The following ZNF462 variants were observed in gnomAD, a reference collection of about 807,000 sequenced individuals.
ZNF462 encodes zinc finger PBX1-interacting protein.
Under a neutral mutation model 201.9 loss-of-function variants are expected in ZNF462, and 10 were observed. That is an observed-to-expected ratio of 0.05 (90% CI 0.03 to 0.08). The LOEUF (loss-of-function observed/expected upper bound fraction) is 0.08. Ranked by LOEUF, ZNF462 falls within the 10% of genes least tolerant of loss-of-function variation. The pLI, the probability that ZNF462 is intolerant of heterozygous loss-of-function variation, is 1.00. For synonymous variants in ZNF462, 1,227 were observed against 1,193.3 expected (o/e 1.03, Z -0.58); for missense variants, 2,523 against 3,168.3 (o/e 0.80, Z 4.89).
chr9:106,972,463 A>T lies in ZNF462; in HGVS notation c.6695+191A>T, dbSNP rs1460226779. Among the ~76,000 whole-genome samples the T allele has an allele frequency of 6.6e-6, 1 of 152,170 alleles. No homozygotes were observed. The highest frequency in any genetic ancestry group is 2.4e-5 in the African/African-American group (1 of 41,450). On this transcript the variant is annotated intron_variant, in intron 8 of 12. Coordinates refer to ENST00000277225, the MANE Select transcript of ZNF462 (RefSeq NM_021224.6). The surrounding 1 kb of genome is among the most constrained non-coding windows in gnomAD (Gnocchi z 4.8). ...AGACTGCTTTGGGATTTGGGAAGGG[A>T]TGAAGAGCTATATCAGAACAAATGA...
chr9:107,000,697 G>C (rs1308585538), intron 10 of ZNF462, among the ~76,000 whole-genome samples: 1 of 152,132 alleles, frequency 6.6e-6, no homozygotes, highest in Non-Finnish European at 1.5e-5. Context: ...ACATCATACT[G>C]TGAAAATGTC....
rs941793107 is a variant in ZNF462 at position 106,978,000 on chromosome 9, C to T, written c.6832+3727C>T. On this transcript the variant is annotated intron_variant, in intron 9 of 12. Transcript: ENST00000277225. This position sits in a 1 kb window ranked among gnomAD's most constrained non-coding sequence, Gnocchi z 4.6. The stretch of plus-strand genomic sequence containing the variant: ...TCTGACAGCTCCCAGCGTTCCTTGA[C>T]GCTACTTGGCTTATAGCTGCATCAC... Among the ~76,000 whole-genome samples, 2 of 151,596 alleles carry T rather than the reference C, an allele frequency of 1.3e-5. No homozygotes were observed. The highest frequency in any genetic ancestry group is 2.9e-5 in the Non-Finnish European group (2 of 68,042).
intron 1 of ZNF462, among the ~76,000 whole-genome samples, chr9:106,908,329 A>C (rs1052817098): frequency 6.6e-6 from 1 of 151,704 alleles, no homozygotes; most frequent in Non-Finnish European, 1.5e-5. Flanking sequence ...TTATTTCTTT[A>C]TTTATTTGGT....
chr9:106,874,273 A>G (rs1352831344), intron 1 of ZNF462, among the ~76,000 whole-genome samples: 1 of 152,218 alleles, frequency 6.6e-6, no homozygotes, highest in African/African-American at 2.4e-5. Flanking sequence ...CCTAGGCAGT[A>G]GGGCCTAGCA....
intron 1 of ZNF462, among the ~76,000 whole-genome samples, chr9:106,875,965 T>C (rs529749578): frequency 5.3e-5 from 8 of 152,344 alleles, no homozygotes; most frequent in African/African-American, 1.9e-4. Context: ...GAAAGATAGA[T>C]AGATAGATAC....
intron 7 of ZNF462, among the ~76,000 whole-genome samples, chr9:106,971,796 G>A (rs1045517142): frequency 6.6e-6 from 1 of 152,068 alleles, no homozygotes; most frequent in Admixed American, 6.5e-5. Context: ...TGATGGATAC[G>A]TTCATTAAAT....
At position 106,927,204 on chromosome 9, in the gene ZNF462, T is replaced by TGGGC; in HGVS notation, c.3292_3293insGGGC (p.Ser1098TrpfsTer16). On this transcript the variant is annotated frameshift_variant, in exon 3 of 13. Transcript: ENST00000277225. LOFTEE classifies it high-confidence loss of function. ...GTCTCCCAAAATGTCCAACATGGGT[T>TGGGC]CCCCACCCCCCCCACAACCCCCGCC... 1 of 1,570,558 alleles carries TGGGC rather than the reference T, an allele frequency of 6.4e-7. No homozygotes were observed. Among genetic ancestry groups the TGGGC allele is most frequent in the Non-Finnish European group, 8.7e-7 (1 of 1,149,922 alleles).
chr9:106,927,204 T>TGGCCCCCCCCCCCCCCC lies in ZNF462; in HGVS notation c.3292_3293insGGCCCCCCCCCCCCCCC (p.Ser1098TrpfsTer49). ...GTCTCCCAAAATGTCCAACATGGGT[T>TGGCCCCCCCCCCCCCCC]CCCCACCCCCCCCACAACCCCCGCC... On this transcript the variant is annotated frameshift_variant, in exon 3 of 13. Coordinates refer to ENST00000277225, the MANE Select transcript of ZNF462 (RefSeq NM_021224.6). LOFTEE classifies it high-confidence loss of function. 2 of 1,570,416 alleles carry TGGCCCCCCCCCCCCCCC rather than the reference T, an allele frequency of 1.3e-6. No homozygotes were observed. Among genetic ancestry groups the TGGCCCCCCCCCCCCCCC allele is most frequent in the Non-Finnish European group, 1.7e-6 (2 of 1,149,826 alleles).
In ZNF462 at chr9:106,895,165, T is replaced by C. The variant is rs546878199; in HGVS notation, c.-30-28189T>C. On this transcript the variant is annotated intron_variant, in intron 1 of 12. Transcript: ENST00000277225. The surrounding 1 kb of genome is among the most constrained non-coding windows in gnomAD (Gnocchi z 4.4). ...CCATACCTTTATTGGCACTGTTCTT[T>C]TAAAATTCAGTTAAAAGTATCATTT... 6.6e-6 allele frequency among the ~76,000 whole-genome samples: 1 copy of C among 152,354 alleles called. No individual in the cohort carries two copies. The highest frequency in any genetic ancestry group is 2.4e-5 in the African/African-American group (1 of 41,574).
Position 106,880,541 on chromosome 9 carries a change from G to T in ZNF462, c.-31+17186G>T, listed in dbSNP as rs1191101783. Among the ~76,000 whole-genome samples, 1 of 152,204 alleles carries T rather than the reference G, an allele frequency of 6.6e-6. No homozygotes were observed. Among genetic ancestry groups the T allele is most frequent in the South Asian group, 2.1e-4 (1 of 4,832 alleles). ...ATCTCCTAACCCAAGTGTGGACTTT[G>T]TGTTTGTTTATGTTAAGTAGCTCTA... On this transcript the variant is annotated intron_variant, in intron 1 of 12. Transcript: ENST00000277225. The surrounding 1 kb of genome is among the most constrained non-coding windows in gnomAD (Gnocchi z 4.1).
In ZNF462 at chr9:107,009,377, G is replaced by A; in HGVS notation, c.7190-168G>A. 1.2e-6 allele frequency: 1 copy of A among 854,024 alleles called. No homozygotes were observed. The allele number at this position is 854,024 out of a possible 1,614,324, so 52.9% of individuals were successfully genotyped here. A position where few individuals can be genotyped will look rare whatever the true frequency, so the allele number is the denominator to read the frequency against. ...GAAACAGTTCTCGAATGCTATTCAA[G>A]GAATGCCCTAAGGGGGAAACCTAAG... On this transcript the variant is annotated intron_variant, in intron 11 of 12. Coordinates refer to ENST00000277225, the MANE Select transcript of ZNF462 (RefSeq NM_021224.6). This position sits in a 1 kb window ranked among gnomAD's most constrained non-coding sequence, Gnocchi z 6.1.
chr9:106,872,945 G>A lies in ZNF462; in HGVS notation c.-31+9590G>A, dbSNP rs184410842. ...TGAACCAGGGACTGTTCATACGGTA[G>A]AGGAAACTGAGGTTTAGGGAGGTAA... On this transcript the variant is annotated intron_variant, in intron 1 of 12. Coordinates refer to ENST00000277225, the MANE Select transcript of ZNF462 (RefSeq NM_021224.6). The surrounding 1 kb of genome is among the most constrained non-coding windows in gnomAD (Gnocchi z 4.5). Among the ~76,000 whole-genome samples the A allele has an allele frequency of 6.4e-4, 98 of 152,202 alleles. No individual in the cohort carries two copies. Among genetic ancestry groups the A allele is most frequent in the African/African-American group, 2.4e-3 (98 of 41,512 alleles).
chr9:106,916,774 G>C (rs939466318), intron 1 of ZNF462, among the ~76,000 whole-genome samples: 7 of 152,154 alleles, frequency 4.6e-5, no homozygotes, highest in African/African-American at 1.7e-4. Context: ...TATCATGGTT[G>C]CATTTTGAGA....
intron 9 of ZNF462, among the ~76,000 whole-genome samples, chr9:106,983,143 C>T (rs566073241): frequency 1.3e-5 from 2 of 152,242 alleles, no homozygotes; most frequent in African/African-American, 2.4e-5. Flanking sequence ...CTGGCGTGTG[C>T]GCTGATACTC....
At chr9:106,942,152 G>A (rs1830901566) in intron 7 of ZNF462, among the ~76,000 whole-genome samples, 1 of 152,210 alleles carries the variant, frequency 6.6e-6, no homozygotes, top group African/African-American at 2.4e-5. Context: ...TGATTCCGTA[G>A]TGAGGGATGT....
chr9:106,995,991 G>C (rs1269865838), intron 10 of ZNF462, among the ~76,000 whole-genome samples: 2 of 152,208 alleles, frequency 1.3e-5, no homozygotes, highest in East Asian at 3.9e-4. Context: ...ACAGGCCCCA[G>C]TGTGTGATGT....
intron 1 of ZNF462, among the ~76,000 whole-genome samples, chr9:106,878,627 GTAAT>G (rs1176511027): frequency 2.0e-5 from 3 of 152,144 alleles, no homozygotes; most frequent in Non-Finnish European, 4.4e-5. Flanking sequence ...CTTTGTTTTG[GTAAT>G]TGAGTGATTA....
chr9:106,981,595 A>G lies in ZNF462; in HGVS notation c.6833-2591A>G, dbSNP rs1172480850. Among the ~76,000 whole-genome samples, 1 of 152,232 alleles carries G rather than the reference A, an allele frequency of 6.6e-6. No homozygotes were observed. The highest frequency in any genetic ancestry group is 1.5e-5 in the Non-Finnish European group (1 of 68,038). On this transcript the variant is annotated intron_variant, in intron 9 of 12. Coordinates refer to ENST00000277225, the MANE Select transcript of ZNF462 (RefSeq NM_021224.6). The surrounding 1 kb of genome is among the most constrained non-coding windows in gnomAD (Gnocchi z 4.0). ...GCTTGAACCGTAGCGAGCACTTAAT[A>G]GTCTGCAGTGGTGTTCACATGAATA...
At chr9:106,879,376 G>T (rs1827992195) in intron 1 of ZNF462, among the ~76,000 whole-genome samples, 1 of 122,486 alleles carries the variant, frequency 8.2e-6, no homozygotes, top group South Asian at 2.5e-4. Flanking sequence ...CTCTTCTGGA[G>T]CTTTCACATT....
Sources: gnomAD v4.1 joint callset for allele counts (sites outside exome capture counted in the v4.1 genomes callset) on GRCh38, gnomAD v4.1.1 for gene constraint, Gnocchi (gnomAD v3.1) non-coding constraint, MANE v1.5 for transcripts, NCBI Gene and HGNC (gene_info 2026-07-23, HGNC 2026-07-21) for gene names.